The following FRYL variants were observed in gnomAD, a reference collection of about 807,000 sequenced individuals.
FRYL encodes FRY like transcription coactivator.
Under a neutral mutation model 351.2 loss-of-function variants are expected in FRYL, and 150 were observed. That is an observed-to-expected ratio of 0.43 (90% CI 0.37 to 0.49). The LOEUF is 0.49. Among genes scored for constraint, FRYL ranks in the 20% least tolerant of loss-of-function variants. The pLI is 0.00. For missense variants in FRYL, 3,036 were observed against 3,619.3 expected, an observed-to-expected ratio of 0.84 and a Z score of 4.13; for synonymous variants, 1,153 against 1,257.1, an observed-to-expected ratio of 0.92 and a Z score of 1.75.
At chr4:48,671,859 A>AAAC (rs1560832279) in intron 3 of FRYL, among the ~76,000 whole-genome samples, 4 of 84,664 alleles carry the variant, frequency 4.7e-5, no homozygotes, top group African/African-American at 8.3e-5. Context: ...TCTCAAAAAC[A>AAAC]AAAAAAAAAA....
chr4:48,503,836 T>TAA, intron 60 of FRYL, among the ~76,000 whole-genome samples: 1 of 152,210 alleles, frequency 6.6e-6, no homozygotes, highest in African/African-American at 2.4e-5. Flanking sequence ...AGGTCAAGCA[T>TAA]ATTCCATATC....
At chr4:48,500,934 AGGTTAGCT>A (rs1402820987) in intron 62 of FRYL, among the ~76,000 whole-genome samples, 1 of 151,948 alleles carries the variant, frequency 6.6e-6, no homozygotes, top group Non-Finnish European at 1.5e-5. Context: ...AAATACAAAA[AGGTTAGCT>A]GGGTGTGGTG....
chr4:48,571,131 G>A (rs1738224507), intron 26 of FRYL, among the ~76,000 whole-genome samples: 1 of 152,134 alleles, frequency 6.6e-6, no homozygotes, highest in Non-Finnish European at 1.5e-5. Context: ...CATCTTACAT[G>A]GTGACAACCC....
In FRYL at chr4:48,553,255, A is replaced by G. The variant is rs770179983; in HGVS notation, c.4395T>C (p.Tyr1465=). 6.2e-6 allele frequency: 10 copies of G among 1,613,462 alleles called. No homozygotes were observed. The highest frequency in any genetic ancestry group is 7.6e-6 in the Non-Finnish European group (9 of 1,179,862). The part of the protein sequence containing the change: ...GVTHMDNPPY[Y]RITSSYKIPS... ...GGATTTTATAGCTGGAAGTGATGCG[A>G]TAATACGGGGGATTATCCATGTGAG... The change falls in exon 36 of 64, where the codon TAT becomes TAC. Residue 1465 remains tyrosine, a synonymous_variant. Coordinates refer to ENST00000358350, the MANE Select transcript of FRYL (RefSeq NM_015030.2).
At chr4:48,634,845 A>G (rs576116537) in intron 3 of FRYL, among the ~76,000 whole-genome samples, 1 of 152,214 alleles carries the variant, frequency 6.6e-6, no homozygotes, top group African/African-American at 2.4e-5. Context: ...GATTCTAATC[A>G]GATAGTCAAA....
chr4:48,761,337 G>A (rs577070284), intron 1 of FRYL, among the ~76,000 whole-genome samples: 1 of 152,162 alleles, frequency 6.6e-6, no homozygotes, highest in East Asian at 1.9e-4. Context: ...TTACATCAAC[G>A]ACTGATTATA....
intron 59 of FRYL, among the ~76,000 whole-genome samples, chr4:48,509,572 T>C (rs1304298505): frequency 6.6e-6 from 1 of 152,212 alleles, no homozygotes; most frequent in Admixed American, 6.5e-5. Flanking sequence ...GATTTACTCT[T>C]AGGGAAGGAA....
In FRYL at chr4:48,527,627, C is replaced by T; in HGVS notation, c.7167G>A (p.Leu2389=). 6.2e-7 allele frequency: 1 copy of T among 1,608,634 alleles called. No homozygotes were observed. The highest frequency in any genetic ancestry group is 1.1e-5 in the South Asian group (1 of 90,502). The change falls in exon 53 of 64, where the codon TTG becomes TTA. Residue 2389 remains leucine (L), a synonymous_variant. Transcript: ENST00000358350. The part of the protein sequence containing the change: ...PSVVFSSNED[L]EVGDQQTSLI... ...GGCTAGTCTGTTGGTCACCGACTTC[C>T]AAATCCTCATTAGAAGAAAATACAA... is the stretch of plus-strand genomic sequence containing the variant.
At chr4:48,612,193 C>T (rs1037296373) in intron 7 of FRYL, among the ~76,000 whole-genome samples, 2 of 151,874 alleles carry the variant, frequency 1.3e-5, no homozygotes, top group African/African-American at 4.8e-5. Context: ...CAACTTATCA[C>T]TCTTTGTTAA....
intron 1 of FRYL, among the ~76,000 whole-genome samples, chr4:48,769,112 T>A (rs1775267402): frequency 6.6e-6 from 1 of 151,962 alleles, no homozygotes; most frequent in Non-Finnish European, 1.5e-5. Flanking sequence ...CCAGCCTGAG[T>A]AACAGAATGA....
intron 2 of FRYL, among the ~76,000 whole-genome samples, chr4:48,685,226 C>G (rs1305931769): frequency 6.6e-6 from 1 of 152,162 alleles, no homozygotes; most frequent in Non-Finnish European, 1.5e-5. Flanking sequence ...ATAATGCTTA[C>G]ATTAATAATC....
chr4:48,567,399 A>G lies in FRYL; in HGVS notation c.3018T>C (p.Asn1006=). Residue 1006 remains asparagine (N), a synonymous_variant, in exon 28 of 64, where the codon AAT becomes AAC. Coordinates refer to ENST00000358350, the MANE Select transcript of FRYL (RefSeq NM_015030.2). This position sits in a 1 kb window ranked among gnomAD's most constrained non-coding sequence, Gnocchi z 4.2. ...AAGTGTTGTTGAGAAAATGTGTTTC[A>G]TTATCAAGGCCACCACTTGCACTGA... ...ISHSASGGLD[N]ETHFLNNTLL... 6.2e-7 allele frequency: 1 copy of G among 1,606,882 alleles called. No individual in the cohort carries two copies. Among genetic ancestry groups the G allele is most frequent in the Non-Finnish European group, 8.5e-7 (1 of 1,177,824 alleles).
At chr4:48,558,131 A>G (rs758194582) in intron 33 of FRYL, among the ~76,000 whole-genome samples, 2 of 152,238 alleles carry the variant, frequency 1.3e-5, no homozygotes, top group Admixed American at 6.5e-5. Context: ...TTAACAGCAC[A>G]ATTCACAATA....
At chr4:48,671,873 C>CAAAAAAAAAAAAAAAAAAAAAAAAAAA (rs71191252) in intron 3 of FRYL, among the ~76,000 whole-genome samples, 1 of 51,852 alleles carries the variant, frequency 1.9e-5, no homozygotes, top group Non-Finnish European at 3.5e-5. Flanking sequence ...AAAAAAAAAA[C>CAAAAAAAAAAAAAAAAAAAAAAAAAAA]AAAAAAAAAA....
intron 59 of FRYL, among the ~76,000 whole-genome samples, chr4:48,509,720 T>G (rs1577859962): frequency 6.6e-6 from 1 of 152,292 alleles, no homozygotes; most frequent in Non-Finnish European, 1.5e-5. Context: ...AGATTACAGC[T>G]TTGTCAGAGG....
chr4:48,726,954 T>C (rs551189891), intron 1 of FRYL, among the ~76,000 whole-genome samples: 2 of 152,280 alleles, frequency 1.3e-5, no homozygotes, highest in African/African-American at 4.8e-5. Flanking sequence ...AATAAAATTA[T>C]CAAAATTCAG....
At chr4:48,564,556 C>T (rs1736317399) in intron 30 of FRYL, among the ~76,000 whole-genome samples, 1 of 151,988 alleles carries the variant, frequency 6.6e-6, no homozygotes, top group Admixed American at 6.6e-5. Context: ...GTGTGGAGGG[C>T]AAGGAGGAAT....
At chr4:48,772,002 A>G (rs1286107704) in intron 1 of FRYL, among the ~76,000 whole-genome samples, 1 of 152,252 alleles carries the variant, frequency 6.6e-6, no homozygotes. Flanking sequence ...GATTCTCTGT[A>G]CATTGCTGGC....
At chr4:48,695,288 G>C (rs1766046197) in intron 2 of FRYL, among the ~76,000 whole-genome samples, 3 of 152,118 alleles carry the variant, frequency 2.0e-5, no homozygotes, top group Non-Finnish European at 4.4e-5. Flanking sequence ...ACAGAAACTA[G>C]AAAAGTGGTG....
Sources: allele counts gnomAD v4.1 joint callset (sites outside exome capture counted in the v4.1 genomes callset), GRCh38; gene constraint gnomAD v4.1.1; non-coding constraint Gnocchi (gnomAD v3.1); transcripts MANE v1.5; gene names NCBI Gene and HGNC (gene_info 2026-07-23, HGNC 2026-07-21).